The following SBF2 variants were observed in gnomAD, a reference collection of about 807,000 sequenced individuals.
SBF2 encodes the protein SET binding factor 2.
In SBF2, 112 loss-of-function variants were observed where a neutral mutation model predicts 225.2. The ratio of observed to expected loss-of-function variants is 0.50; its 90% CI spans 0.43 to 0.58. The LOEUF (loss-of-function observed/expected upper bound fraction) is 0.58. SBF2 is among the 20% of genes least tolerant of loss of function. The probability of loss-of-function intolerance (pLI) is 0.00; values close to 1 mark genes in which losing one functional copy is unlikely to be tolerated. For synonymous variants in SBF2, 763 were observed against 773.3 expected, an observed-to-expected ratio of 0.99 and a Z score of 0.22; for missense variants, 1,996 against 2,206.2, an observed-to-expected ratio of 0.90 and a Z score of 1.91.
chr11:10,033,645 A>C (rs1437171765), intron 3 of SBF2, among the ~76,000 whole-genome samples: 1 of 142,302 alleles, frequency 7.0e-6, no homozygotes, highest in Non-Finnish European at 1.5e-5. Context: ...TTTAAAGCAA[A>C]ATGTACTGCT....
chr11:10,134,005 C>T (rs1026666432), intron 2 of SBF2, among the ~76,000 whole-genome samples: 1 of 152,132 alleles, frequency 6.6e-6, no homozygotes, highest in East Asian at 1.9e-4. Flanking sequence ...TGTATTAGTC[C>T]GATTTTATGC....
At position 10,303,964 on chromosome 11, in the gene SBF2, G is replaced by A. The variant is rs1165799200; in HGVS notation, n.386+528C>T. On this transcript the variant is annotated intron_variant and non_coding_transcript_variant, in intron 1 of 5. Transcript: ENST00000685217. This position sits in a 1 kb window ranked among gnomAD's most constrained non-coding sequence, Gnocchi z 5.2. ...ACTCTCCTTTGCCCCTTGAGAAGTT[G>A]GTGACCCCAGCCTAGAGGAATCCAC... 6.6e-6 allele frequency among the ~76,000 whole-genome samples: 1 copy of A among 152,154 alleles called. No individual in the cohort carries two copies. The highest frequency in any genetic ancestry group is 1.5e-5 in the Non-Finnish European group (1 of 68,028).
rs9943616 is a variant in SBF2, at chr11:10,025,762, G to A, written c.619+2690C>T. Among the ~76,000 whole-genome samples, 545 of 152,054 alleles carry A rather than the reference G, an allele frequency of 3.6e-3. 4 individuals carry two copies. Among genetic ancestry groups the A allele is most frequent in the African/African-American group, 0.013 (519 of 41,484 alleles). On this transcript the variant is annotated intron_variant, in intron 6 of 39. Coordinates refer to ENST00000256190, the MANE Select transcript of SBF2 (RefSeq NM_030962.4). The stretch of plus-strand genomic sequence containing the variant: ...CTACAGGCACCTGCCACCATGCTCC[G>A]CTACTGTTTTCTATTTTTAGTAGAG...
chr11:10,055,085 A>G (rs550628578), intron 2 of SBF2, among the ~76,000 whole-genome samples: 2 of 152,124 alleles, frequency 1.3e-5, no homozygotes, highest in African/African-American at 4.8e-5. Context: ...TATTTTTAGT[A>G]AAGACGGGGT....
chr11:9,875,289 T>C (rs1207627168), intron 17 of SBF2, among the ~76,000 whole-genome samples: 1 of 152,192 alleles, frequency 6.6e-6, no homozygotes, highest in Non-Finnish European at 1.5e-5. Context: ...TAAAGTTACA[T>C]TAAACTGTTC....
intron 1 of SBF2, among the ~76,000 whole-genome samples, chr11:10,300,271 T>C (rs1964582482): frequency 6.6e-6 from 1 of 152,236 alleles, no homozygotes. Flanking sequence ...GTGATTACTG[T>C]ATGTTGAGAA....
At chr11:9,923,099 C>T (rs1312446574) in intron 16 of SBF2, among the ~76,000 whole-genome samples, 1 of 152,154 alleles carries the variant, frequency 6.6e-6, no homozygotes, top group African/African-American at 2.4e-5. Flanking sequence ...CTTCCTCCCT[C>T]GCATGCCATT....
intron 1 of SBF2, among the ~76,000 whole-genome samples, chr11:10,195,366 T>C (rs553523755): frequency 6.6e-6 from 1 of 152,298 alleles, no homozygotes; most frequent in African/African-American, 2.4e-5. Flanking sequence ...CCATTGAACT[T>C]TGGGGATGTA....
intron 17 of SBF2, among the ~76,000 whole-genome samples, chr11:9,864,451 A>G (rs1858018530): frequency 6.6e-6 from 1 of 152,118 alleles, no homozygotes; most frequent in African/African-American, 2.4e-5. Context: ...TAGTGGCACA[A>G]ACAAGGCTCA....
intron 28 of SBF2, among the ~76,000 whole-genome samples, chr11:9,817,233 A>ATT (rs1039375872): frequency 2.2e-4 from 33 of 152,298 alleles, no homozygotes; most frequent in African/African-American, 7.2e-4. Context: ...TTAGCCTCAG[A>ATT]ATGACCTAGC....
chr11:10,239,602 T>C (rs1959181004), intron 1 of SBF2, among the ~76,000 whole-genome samples: 1 of 150,116 alleles, frequency 6.7e-6, no homozygotes, highest in African/African-American at 2.4e-5. Context: ...TAGACATCAC[T>C]AAAAAAGGAG....
At chr11:9,827,466 C>T (rs931931695) in intron 28 of SBF2, among the ~76,000 whole-genome samples, 3 of 151,196 alleles carry the variant, frequency 2.0e-5, no homozygotes, top group African/African-American at 7.3e-5. Context: ...GAGTTGGAGG[C>T]TGCAGTTAGT....
chr11:9,914,737 G>C (rs1466211005), intron 16 of SBF2, among the ~76,000 whole-genome samples: 2 of 151,970 alleles, frequency 1.3e-5, no homozygotes, highest in African/African-American at 4.8e-5. Flanking sequence ...ATACCATCAA[G>C]AGAATGAAAA....
At chr11:10,193,259 A>ATG (rs1565340784) in intron 2 of SBF2, among the ~76,000 whole-genome samples, 1 of 151,256 alleles carries the variant, frequency 6.6e-6, no homozygotes, top group African/African-American at 2.4e-5. Context: ...AAATATATAT[A>ATG]TGTGTATCCC....
At chr11:10,254,064 T>C (rs1220339065) in intron 1 of SBF2, among the ~76,000 whole-genome samples, 3 of 152,180 alleles carry the variant, frequency 2.0e-5, no homozygotes, top group Admixed American at 6.5e-5. Flanking sequence ...ACAGTTATTA[T>C]GGAAAACAGT....
intron 28 of SBF2, among the ~76,000 whole-genome samples, chr11:9,827,451 C>G (rs1855136309): frequency 6.6e-6 from 1 of 151,758 alleles, no homozygotes; most frequent in Non-Finnish European, 1.5e-5. Flanking sequence ...ATTGCTCAAG[C>G]CCAGGAGTTG....
intron 2 of SBF2, among the ~76,000 whole-genome samples, chr11:10,095,379 G>A (rs1456400069): frequency 6.6e-6 from 1 of 152,184 alleles, no homozygotes; most frequent in African/African-American, 2.4e-5. Context: ...CTAAACATGT[G>A]CAGAGAATGC....
At chr11:9,790,476 A>G in intron 34 of SBF2, 80 bp downstream of exon 34, 1 of 1,253,840 alleles carries the variant, frequency 8.0e-7, no homozygotes, top group Non-Finnish European at 1.1e-6. Context: ...AAAAGCTTAA[A>G]CTGCTTATAT....
intron 2 of SBF2, among the ~76,000 whole-genome samples, chr11:10,149,996 C>T (rs1204962331): frequency 6.6e-6 from 1 of 152,062 alleles, no homozygotes; most frequent in Non-Finnish European, 1.5e-5. Flanking sequence ...ATTCTACTCT[C>T]GAGAGCTAGT....
Sources: allele counts gnomAD v4.1 joint callset (sites outside exome capture counted in the v4.1 genomes callset), GRCh38; gene constraint gnomAD v4.1.1; non-coding constraint Gnocchi (gnomAD v3.1); transcripts MANE v1.5; gene names NCBI Gene and HGNC (gene_info 2026-07-23, HGNC 2026-07-21).